The following PLD5 variants were observed in gnomAD, a reference collection of about 807,000 sequenced individuals.
The protein encoded by PLD5 is inactive phospholipase D5.
PLD5 carries 36 observed loss-of-function variants against 61.1 expected under a neutral mutation model. The observed-to-expected ratio is 0.59, with a 90% CI of 0.45 to 0.78. The LOEUF (loss-of-function observed/expected upper bound fraction) is 0.78. PLD5 is among the 30% of genes least tolerant of loss of function. The pLI, the probability that PLD5 is intolerant of heterozygous loss-of-function variation, is 0.00. For missense variants in PLD5, 515 were observed against 644.4 expected (o/e 0.80, Z 2.17); for synonymous variants, 243 against 242.8 (o/e 1.00, Z -0.01).
In PLD5 at chr1:242,394,825, TATATGTGAATATATATAC is replaced by T. The variant is rs1326441720; in HGVS notation, c.190-46601_190-46584del. On this transcript the variant is annotated intron_variant, in intron 1 of 9. Coordinates refer to ENST00000536534, the MANE Select transcript of PLD5 (RefSeq NM_001372062.1). ...GTGTATATATGTGAATATATATACA[TATATGTGAATATATATAC>T]ATATGTGAATATATATGTATATATG... Among the ~76,000 whole-genome samples the T allele has an allele frequency of 1.2e-3, 157 of 132,366 alleles. 31 individuals are homozygous for T. Among genetic ancestry groups the T allele is most frequent in the African/African-American group, 2.5e-3 (89 of 35,438 alleles). The allele number at this position is 132,366 out of a possible 152,430, so 86.8% of individuals were successfully genotyped here.
intron 1 of PLD5, among the ~76,000 whole-genome samples, chr1:242,505,552 A>G (rs1379915723): frequency 6.6e-6 from 1 of 151,894 alleles, no homozygotes; most frequent in Non-Finnish European, 1.5e-5. Flanking sequence ...CATTTTCTTC[A>G]TGTGATTATG....
chr1:242,242,713 G>C (rs910509349), intron 4 of PLD5, among the ~76,000 whole-genome samples: 14 of 152,094 alleles, frequency 9.2e-5, no homozygotes, highest in African/African-American at 3.4e-4. Context: ...AAGAATATAG[G>C]TAAAGCACAT....
intron 1 of PLD5, among the ~76,000 whole-genome samples, chr1:242,449,745 C>T (rs1352661742): frequency 2.0e-5 from 3 of 152,162 alleles, no homozygotes; most frequent in African/African-American, 7.2e-5. Context: ...CAAGCTGACC[C>T]AGGGGAGGCA....
At chr1:242,177,598 C>T (rs1667247302) in intron 5 of PLD5, 1 of 152,184 alleles carries the variant, frequency 6.6e-6, no homozygotes, top group Non-Finnish European at 1.5e-5. Context: ...ACAAAAACCA[C>T]AACAATTCCA....
chr1:242,169,062 G>A (rs1666549216), intron 5 of PLD5, among the ~76,000 whole-genome samples: 1 of 151,888 alleles, frequency 6.6e-6, no homozygotes, highest in Non-Finnish European at 1.5e-5. Flanking sequence ...TATTAACACT[G>A]AAAGGTCTTT....
intron 5 of PLD5, among the ~76,000 whole-genome samples, chr1:242,156,462 T>C (rs1414348108): frequency 6.6e-6 from 1 of 152,208 alleles, no homozygotes; most frequent in Admixed American, 6.5e-5. Flanking sequence ...GTCTTTACAA[T>C]TTGGTATGTT....
At chr1:242,344,632 T>C (rs1660027229) in intron 2 of PLD5, among the ~76,000 whole-genome samples, 1 of 152,186 alleles carries the variant, frequency 6.6e-6, no homozygotes, top group Admixed American at 6.5e-5. Context: ...TACAATTTAC[T>C]GAATCCTCAT....
At chr1:242,353,981 GT>G (rs1354454605) in intron 1 of PLD5, among the ~76,000 whole-genome samples, 1 of 150,660 alleles carries the variant, frequency 6.6e-6, no homozygotes, top group Non-Finnish European at 1.5e-5. Context: ...CACTAAATTT[GT>G]TGATAAACTC....
At chr1:242,514,879 T>C (rs1384942605) in intron 1 of PLD5, among the ~76,000 whole-genome samples, 3 of 152,002 alleles carry the variant, frequency 2.0e-5, no homozygotes. Flanking sequence ...ACAGAGAACA[T>C]CAAGGACAAA....
chr1:242,277,022 G>A (rs1231488659), intron 3 of PLD5, among the ~76,000 whole-genome samples: 3 of 152,068 alleles, frequency 2.0e-5, no homozygotes, highest in African/African-American at 7.2e-5. Flanking sequence ...ATCAGAAGCA[G>A]GAGGCTGGTA....
chr1:242,273,297 G>A (rs993174930), intron 3 of PLD5, among the ~76,000 whole-genome samples: 7 of 151,968 alleles, frequency 4.6e-5, no homozygotes, highest in Admixed American at 2.0e-4. Context: ...TGGTGTATAT[G>A]TGCCATATTT....
At chr1:242,378,034 G>A (rs1367022925) in intron 1 of PLD5, among the ~76,000 whole-genome samples, 1 of 152,138 alleles carries the variant, frequency 6.6e-6, no homozygotes, top group African/African-American at 2.4e-5. Flanking sequence ...CAAAAAGAAT[G>A]GAAAGCAGGG....
intron 1 of PLD5, among the ~76,000 whole-genome samples, chr1:242,370,596 T>C (rs12567050): frequency 0.028 from 4,303 of 152,228 alleles, 152 homozygotes; most frequent in East Asian, 0.14. Context: ...CCACCCTTCC[T>C]TCCATGCACA....
intron 1 of PLD5, among the ~76,000 whole-genome samples, chr1:242,433,401 T>C (rs7524821): frequency 0.037 from 5,709 of 152,268 alleles, 346 homozygotes; most frequent in African/African-American, 0.13. Flanking sequence ...CATTTAATCT[T>C]AGGATAGAGA....
At chr1:242,249,491 C>A (rs934456979) in intron 4 of PLD5, among the ~76,000 whole-genome samples, 5 of 152,210 alleles carry the variant, frequency 3.3e-5, no homozygotes, top group Admixed American at 3.3e-4. Flanking sequence ...ACCTTCAAAT[C>A]ATCTTTCAAA....
chr1:242,084,116 T>C lies in PLD5; in HGVS notation c.*5738A>G, dbSNP rs1349259572. On this transcript the variant is annotated 3_prime_UTR_variant, in exon 10 of 10. Coordinates refer to ENST00000536534, the MANE Select transcript of PLD5 (RefSeq NM_001372062.1). Reference sequence around the variant, plus strand: ...ATATAAAAATAAATCACAAATAATCTTCACCCTTACTATGATTTAATTGGA... The same window carrying C: ...ATATAAAAATAAATCACAAATAATCCTCACCCTTACTATGATTTAATTGGA... The C allele has an allele frequency of 2.0e-5, 3 of 152,178 alleles. No homozygotes were observed. Among genetic ancestry groups the C allele is most frequent in the African/African-American group, 7.2e-5 (3 of 41,440 alleles). The allele number at this position is 152,178 out of a possible 1,614,324, so 9.4% of individuals were successfully genotyped here. A position where few individuals can be genotyped will look rare whatever the true frequency, so the allele number is the denominator to read the frequency against.
intron 1 of PLD5, among the ~76,000 whole-genome samples, chr1:242,394,024 A>T (rs1470192742): frequency 2.7e-5 from 4 of 145,596 alleles, no homozygotes; most frequent in Non-Finnish European, 4.5e-5. Context: ...CACGCCACTG[A>T]ACTCCAGCCT....
At chr1:242,486,608 T>G (rs1446505025) in intron 1 of PLD5, among the ~76,000 whole-genome samples, 2 of 152,194 alleles carry the variant, frequency 1.3e-5, no homozygotes, top group Admixed American at 1.3e-4. Flanking sequence ...TTTACACTGT[T>G]GCTGAGACTG....
chr1:242,394,362 A>G (rs1462600686), intron 1 of PLD5, among the ~76,000 whole-genome samples: 6 of 96,842 alleles, frequency 6.2e-5, no homozygotes, highest in African/African-American at 2.7e-4. Context: ...ATATGTGTGT[A>G]TATATGAGTA....
Sources: allele counts gnomAD v4.1 joint callset (sites outside exome capture counted in the v4.1 genomes callset), GRCh38; gene constraint gnomAD v4.1.1; transcripts MANE v1.5; gene names NCBI Gene and HGNC (gene_info 2026-07-23, HGNC 2026-07-21).